Variants in CNDP2 observed in about 807,000 individuals in gnomAD.
CNDP2 encodes the protein cytosolic non-specific dipeptidase.
A neutral mutation model predicts 55.0 loss-of-function variants in CNDP2; 38 were observed. The observed-to-expected ratio is 0.69, with a 90% CI of 0.53 to 0.90. The LOEUF is 0.90. CNDP2 is among the 40% of genes least tolerant of loss of function. CNDP2 has a pLI of 0.00. For missense variants in CNDP2, 607 were observed against 621.7 expected, an observed-to-expected ratio of 0.98 and a Z score of 0.25; for synonymous variants, 241 against 260.2, an observed-to-expected ratio of 0.93 and a Z score of 0.71.
chr18:74,498,219 G>A (rs1225404542), intron 1 of CNDP2, among the ~76,000 whole-genome samples: 1 of 152,138 alleles, frequency 6.6e-6, no homozygotes, highest in Non-Finnish European at 1.5e-5. Flanking sequence ...TGCACATCCT[G>A]AGCTGCGCTC....
At chr18:74,512,193 C>T in intron 6 of CNDP2, 1 of 444,482 alleles carries the variant, frequency 2.2e-6, no homozygotes, top group Non-Finnish European at 4.1e-6. Flanking sequence ...GGCAGATTGC[C>T]CTGTGGAATG....
intron 8 of CNDP2, among the ~76,000 whole-genome samples, chr18:74,515,359 A>T (rs547355375): frequency 1.3e-5 from 2 of 152,240 alleles, no homozygotes; most frequent in African/African-American, 4.8e-5. Context: ...ACCGGCAGTG[A>T]CTGGACAGTG....
intron 5 of CNDP2, among the ~76,000 whole-genome samples, chr18:74,510,252 C>A (rs1418830911): frequency 6.6e-6 from 1 of 152,210 alleles, no homozygotes; most frequent in Non-Finnish European, 1.5e-5. Context: ...TCATTTAGGC[C>A]CTGATGTTCT....
rs939637093 is a variant in CNDP2 at position 74,501,326 on chromosome 18, C to T, written c.61-3C>T. ...TCCCTCGTTGCTTCTTGTCCACAAA[C>T]AGAAACTCGCAAAATGGGTGGCTAT... is the stretch of plus-strand genomic sequence containing the variant. On this transcript the variant is annotated splice_polypyrimidine_tract_variant and splice_region_variant and intron_variant, in intron 2 of 11. Coordinates refer to ENST00000324262, the MANE Select transcript of CNDP2 (RefSeq NM_018235.3). 28 of 1,611,680 alleles carry T rather than the reference C, an allele frequency of 1.7e-5. No individual in the cohort carries two copies. Among genetic ancestry groups the T allele is most frequent in the Admixed American group, 3.4e-5 (2 of 59,574 alleles).
chr18:74,501,622 G>A lies in CNDP2; in HGVS notation c.204+150G>A, dbSNP rs115671472. On this transcript the variant is annotated intron_variant, in intron 3 of 11. Transcript: ENST00000324262. ...AGGAAGGGCCTGATTTGGATGGTAA[G>A]TTCTGTACGTGACTGCTTCAGTTGG... 215 of 1,022,130 alleles carry A rather than the reference G, an allele frequency of 2.1e-4. No individual in the cohort carries two copies. The African/African-American group carries it at 3.1e-3, about 15-fold the overall frequency. The allele number at this position is 1,022,130 out of a possible 1,614,324, so 63.3% of individuals were successfully genotyped here. A position where few individuals can be genotyped will look rare whatever the true frequency, so the allele number is the denominator to read the frequency against.
intron 3 of CNDP2, among the ~76,000 whole-genome samples, chr18:74,504,164 G>C (rs1978876935): frequency 6.7e-6 from 1 of 148,628 alleles, no homozygotes; most frequent in South Asian, 2.1e-4. Context: ...GGGGCGTCAG[G>C]CCATACACTG....
At position 74,520,125 on chromosome 18, in the gene CNDP2, T is replaced by C; in HGVS notation, c.*57T>C. The C allele has an allele frequency of 6.5e-7, 1 of 1,544,094 alleles. No individual in the cohort carries two copies. Among genetic ancestry groups the C allele is most frequent in the Non-Finnish European group, 8.9e-7 (1 of 1,119,262 alleles). On this transcript the variant is annotated 3_prime_UTR_variant, in exon 12 of 12. Coordinates refer to ENST00000324262, the MANE Select transcript of CNDP2 (RefSeq NM_018235.3). The stretch of plus-strand genomic sequence containing the variant: ...AAGGAATCCTGCCCTCACCTCACCC[T>C]TTTCCAACTTGCCCAGGGAAGTGGA...
intron 2 of CNDP2, 132 bp downstream of exon 2, chr18:74,500,165 A>G: frequency 1.5e-6 from 1 of 678,658 alleles, no homozygotes; most frequent in Non-Finnish European, 2.4e-6. Flanking sequence ...AGATCTGTTC[A>G]TTAGCTTCTT....
intron 3 of CNDP2, among the ~76,000 whole-genome samples, chr18:74,504,589 G>A (rs1213808661): frequency 6.6e-6 from 1 of 152,252 alleles, no homozygotes; most frequent in Non-Finnish European, 1.5e-5. Context: ...TTCAGTGACT[G>A]CTCATTTTAC....
rs375366670 is a variant in CNDP2, at chr18:74,508,941, C to T, written c.456+13C>T. The T allele has an allele frequency of 3.7e-5, 59 of 1,611,234 alleles. 2 individuals are homozygous for T. The Admixed American group carries it at 4.3e-4, about 12-fold the overall frequency. On this transcript the variant is annotated intron_variant, in intron 5 of 11. Coordinates refer to ENST00000324262, the MANE Select transcript of CNDP2 (RefSeq NM_018235.3). Reference sequence around the variant, plus strand: ...GAAAACAGGCCAGGTATGCCCCCCACGCTGACTTCTGCCTGAGTCCTGGGT... The same window carrying T: ...GAAAACAGGCCAGGTATGCCCCCCATGCTGACTTCTGCCTGAGTCCTGGGT...
rs1268183191 is a variant in CNDP2 at position 74,522,660 on chromosome 18, A to C, written c.*2592A>C. On this transcript the variant is annotated 3_prime_UTR_variant, in exon 12 of 12. Transcript: ENST00000324262. ...GAGCCCTTGTGTTGTGGGATGACAC[A>C]GCCAGAAGGCCCTTGCCAGGTTCCG... The C allele has an allele frequency of 2.0e-5, 3 of 152,378 alleles. No homozygotes were observed. The highest frequency in any genetic ancestry group is 4.4e-5 in the Non-Finnish European group (3 of 68,148). 9.4% of individuals were successfully genotyped at this position (152,378 alleles called of 1,614,324 possible). A position where few individuals can be genotyped will look rare whatever the true frequency, so the allele number is the denominator to read the frequency against.
At chr18:74,504,568 C>G (rs1978905736) in intron 3 of CNDP2, among the ~76,000 whole-genome samples, 1 of 152,238 alleles carries the variant, frequency 6.6e-6, no homozygotes, top group Non-Finnish European at 1.5e-5. Context: ...CTGTCCTGAT[C>G]CAGTTGTCAT....
intron 2 of CNDP2, 48 bp downstream of exon 2, chr18:74,500,081 A>G: frequency 3.3e-6 from 5 of 1,528,286 alleles, no homozygotes; most frequent in Non-Finnish European, 4.5e-6. Context: ...ATTTAATCCC[A>G]TGGGGCCCAG....
At position 74,516,949 on chromosome 18, in the gene CNDP2, C is replaced by T. The variant is rs551168660; in HGVS notation, c.1068+557C>T. The stretch of plus-strand genomic sequence containing the variant: ...TGATTTTATGAAGTACCTCGGTCTG[C>T]TCAGGCTGCCACAATAAAGACCACA... On this transcript the variant is annotated intron_variant, in intron 9 of 11. Transcript: ENST00000324262. The T allele has an allele frequency of 2.6e-5, 4 of 152,596 alleles. No homozygotes were observed. In the South Asian group the frequency reaches 8.2e-4, roughly 31 times the overall value. The allele number at this position is 152,596 out of a possible 1,614,324, so 9.5% of individuals were successfully genotyped here.
rs542100806 is a variant in CNDP2 at position 74,512,544 on chromosome 18, A to G, written c.742+12A>G. The stretch of plus-strand genomic sequence containing the variant: ...CATTTTGCTGATGGGTAAGTGCGGG[A>G]TGGCATTCAGTCCGCAGTTGAGGGG... On this transcript the variant is annotated intron_variant, in intron 7 of 11. Transcript: ENST00000324262. 2 of 1,611,786 alleles carry G rather than the reference A, an allele frequency of 1.2e-6. No homozygotes were observed. The highest frequency in any genetic ancestry group is 1.7e-5 in the Admixed American group (1 of 59,916).
intron 4 of CNDP2, 135 bp downstream of exon 4, chr18:74,506,146 T>C (rs1979012558): frequency 1.2e-6 from 1 of 858,334 alleles, no homozygotes; most frequent in Non-Finnish European, 1.5e-6. Flanking sequence ...TTAAAAATCT[T>C]TTTTTGAGAC....
intron 7 of CNDP2, among the ~76,000 whole-genome samples, chr18:74,512,926 C>G (rs551325901): frequency 3.3e-5 from 5 of 152,346 alleles, no homozygotes; most frequent in African/African-American, 9.6e-5. Flanking sequence ...CAGGTCCCCC[C>G]GCCTGATCAG....
In CNDP2 at chr18:74,501,327, A is replaced by T; in HGVS notation, c.61-2A>T. The T allele has an allele frequency of 6.2e-7, 1 of 1,612,180 alleles. No individual in the cohort carries two copies. The highest frequency in any genetic ancestry group is 8.5e-7 in the Non-Finnish European group (1 of 1,179,116). ...CCCTCGTTGCTTCTTGTCCACAAAC[A>T]GAAACTCGCAAAATGGGTGGCTATC... On this transcript the variant is annotated splice_acceptor_variant, in intron 2 of 11. Transcript: ENST00000324262. LOFTEE classifies it high-confidence loss of function.
At position 74,510,894 on chromosome 18, in the gene CNDP2, C is replaced by T. The variant is rs771842560; in HGVS notation, c.538C>T (p.Arg180Trp). The T allele has an allele frequency of 1.4e-5, 23 of 1,614,010 alleles. No homozygotes were observed. The highest frequency in any genetic ancestry group is 1.6e-4 in the Middle Eastern group (1 of 6,082). Residue 180 changes from arginine (R) to tryptophan (W), a missense_variant, in exon 6 of 12, where the codon CGG becomes TGG. Arg to Trp is a moderately radical substitution (Grantham distance 101). Transcript: ENST00000324262. ...SEGLDELIFA[R>W]KDTFFKDVDY... ...GGGCCTAGACGAGCTGATTTTTGCC[C>T]GGAAAGACACATTCTTTAAGGATGT...
Sources: gnomAD v4.1 joint callset for allele counts (sites outside exome capture counted in the v4.1 genomes callset) on GRCh38, gnomAD v4.1.1 for gene constraint, MANE v1.5 for transcripts, NCBI Gene and HGNC (gene_info 2026-07-23, HGNC 2026-07-21) for gene names.